The following PPP2R2B variants were observed in gnomAD, a reference collection of about 807,000 sequenced individuals.
PPP2R2B encodes the protein protein phosphatase 2 regulatory subunit Bbeta.
A neutral mutation model predicts 46.0 loss-of-function variants in PPP2R2B; 5 were observed. That is an observed-to-expected ratio of 0.11 (90% confidence interval 0.06 to 0.23). The LOEUF is 0.23. Among genes scored for constraint, PPP2R2B ranks in the 10% least tolerant of loss-of-function variants. The probability of loss-of-function intolerance (pLI) is 1.00; values close to 1 mark genes in which losing one functional copy is unlikely to be tolerated. For synonymous variants in PPP2R2B, 215 were observed against 206.7 expected, an observed-to-expected ratio of 1.04 and a Z score of -0.34; for missense variants, 367 against 575.0, an observed-to-expected ratio of 0.64 and a Z score of 3.70.
At chr5:146,670,121 A>G (rs1389192875) in intron 5 of PPP2R2B, among the ~76,000 whole-genome samples, 1 of 152,224 alleles carries the variant, frequency 6.6e-6, no homozygotes, top group Non-Finnish European at 1.5e-5. Flanking sequence ...TGAACACAGT[A>G]TCTGTATTAT....
intron 1 of PPP2R2B, among the ~76,000 whole-genome samples, chr5:147,010,688 C>T (rs1043296539): frequency 1.2e-4 from 19 of 152,128 alleles, no homozygotes; most frequent in African/African-American, 3.6e-4. Flanking sequence ...GCTTGCCCGC[C>T]GCTCACCTAC....
intron 2 of PPP2R2B, among the ~76,000 whole-genome samples, chr5:147,072,841 A>C (rs1757641912): frequency 6.6e-6 from 1 of 152,200 alleles, no homozygotes; most frequent in African/African-American, 2.4e-5. Flanking sequence ...ACCATGAATA[A>C]AATGTGGGTC....
Position 146,589,851 on chromosome 5 carries a change from T to TAA in PPP2R2B, c.*94_*95dup. On this transcript the variant is annotated 3_prime_UTR_variant, in exon 10 of 10. Coordinates refer to ENST00000394411, the MANE Select transcript of PPP2R2B (RefSeq NM_181675.4). ...CCAATCATTTCCTGTATAGGGAAAT[T>TAA]AAAGTCAATGCATCAAATGAAGACC... is the stretch of plus-strand genomic sequence containing the variant. 8.2e-7 allele frequency: 1 copy of TAA among 1,216,060 alleles called. No homozygotes were observed. The highest frequency in any genetic ancestry group is 1.2e-6 in the Non-Finnish European group (1 of 857,366). 75.3% of individuals were successfully genotyped at this position (1,216,060 alleles called of 1,614,324 possible). A position where few individuals can be genotyped will look rare whatever the true frequency, so the allele number is the denominator to read the frequency against.
chr5:146,755,802 C>T (rs1753800536), intron 2 of PPP2R2B, among the ~76,000 whole-genome samples: 1 of 152,154 alleles, frequency 6.6e-6, no homozygotes, highest in Non-Finnish European at 1.5e-5. Flanking sequence ...TGGGGGTCTG[C>T]ATCATTTAAT....
At chr5:147,018,627 C>T (rs1197391688) in intron 1 of PPP2R2B, among the ~76,000 whole-genome samples, 1 of 152,080 alleles carries the variant, frequency 6.6e-6, no homozygotes, top group African/African-American at 2.4e-5. Flanking sequence ...AGAAACCCAG[C>T]TTAGTTAACT....
intron 2 of PPP2R2B, among the ~76,000 whole-genome samples, chr5:147,068,192 T>C (rs1757468559): frequency 6.6e-6 from 1 of 152,232 alleles, no homozygotes; most frequent in Admixed American, 6.5e-5. Flanking sequence ...TAGCATTCAC[T>C]CTGTGTCAAG....
intron 2 of PPP2R2B, among the ~76,000 whole-genome samples, chr5:146,729,662 A>G (rs1239521223): frequency 6.6e-6 from 1 of 152,204 alleles, no homozygotes; most frequent in Non-Finnish European, 1.5e-5. Flanking sequence ...CTGTGGCTGA[A>G]AAGGGCCAAC....
At chr5:146,747,795 G>T (rs1049688923) in intron 2 of PPP2R2B, among the ~76,000 whole-genome samples, 2 of 152,096 alleles carry the variant, frequency 1.3e-5, no homozygotes, top group Non-Finnish European at 2.9e-5. Flanking sequence ...TTACTACATT[G>T]TTAGTGCAAA....
At chr5:146,751,374 A>G (rs1219334183) in intron 2 of PPP2R2B, 1 of 152,222 alleles carries the variant, frequency 6.6e-6, no homozygotes, top group African/African-American at 2.4e-5. Context: ...AGAGGTGAAC[A>G]GTTTTCTGAT....
chr5:146,924,161 C>T (rs1374700361), intron 1 of PPP2R2B, among the ~76,000 whole-genome samples: 1 of 152,122 alleles, frequency 6.6e-6, no homozygotes, highest in African/African-American at 2.4e-5. Context: ...ATCTGTACAA[C>T]AAATCCCCAT....
chr5:146,816,984 AC>A (rs1455861438), intron 2 of PPP2R2B, among the ~76,000 whole-genome samples: 2 of 152,208 alleles, frequency 1.3e-5, no homozygotes, highest in East Asian at 3.8e-4. Context: ...CAGCTGCATG[AC>A]TTTTTGACTT....
At chr5:146,882,944 C>T (rs1025927849), upstream of PPP2R2B, among the ~76,000 whole-genome samples, 2 of 152,122 alleles carry the variant, frequency 1.3e-5, no homozygotes, top group Non-Finnish European at 2.9e-5. Context: ...TTTTTTTAAC[C>T]ACCCTTGTCA....
intron 1 of PPP2R2B, among the ~76,000 whole-genome samples, chr5:146,939,845 C>T (rs568843162): frequency 6.6e-6 from 1 of 152,094 alleles, no homozygotes; most frequent in Non-Finnish European, 1.5e-5. Flanking sequence ...CATTATATAC[C>T]TAACTGTTCC....
chr5:146,646,421 A>G (rs962628032), intron 6 of PPP2R2B, among the ~76,000 whole-genome samples: 6 of 152,210 alleles, frequency 3.9e-5, no homozygotes, highest in African/African-American at 1.4e-4. Context: ...TAATCTATTA[A>G]TGAGTTGTTA....
intron 3 of PPP2R2B, among the ~76,000 whole-genome samples, chr5:146,700,671 C>A (rs139420288): frequency 8.0e-4 from 121 of 152,134 alleles, no homozygotes; most frequent in African/African-American, 2.7e-3. Flanking sequence ...ATGTTTTTTT[C>A]CTCCTGCATA....
At chr5:146,754,742 T>G (rs1163575635) in intron 2 of PPP2R2B, among the ~76,000 whole-genome samples, 2 of 152,176 alleles carry the variant, frequency 1.3e-5, no homozygotes, top group Non-Finnish European at 2.9e-5. Flanking sequence ...TTAAGGACAC[T>G]CCAGGAACCC....
chr5:146,798,322 C>T (rs1756665711), intron 2 of PPP2R2B, among the ~76,000 whole-genome samples: 1 of 152,156 alleles, frequency 6.6e-6, no homozygotes, highest in Admixed American at 6.6e-5. Context: ...TTAACCCTGA[C>T]TTCCTTAACC....
chr5:146,872,452 C>T (rs547894892), intron 2 of PPP2R2B, among the ~76,000 whole-genome samples: 1 of 152,316 alleles, frequency 6.6e-6, no homozygotes, highest in Non-Finnish European at 1.5e-5. Flanking sequence ...TATGAGGCAG[C>T]TCTCCATCAT....
intron 2 of PPP2R2B, among the ~76,000 whole-genome samples, chr5:146,819,987 C>A (rs974408510): frequency 1.3e-5 from 2 of 152,150 alleles, no homozygotes; most frequent in African/African-American, 2.4e-5. Context: ...AATAGGCACA[C>A]AATCTCACTC....
Sources: allele counts gnomAD v4.1 joint callset (sites outside exome capture counted in the v4.1 genomes callset), GRCh38; gene constraint gnomAD v4.1.1; transcripts MANE v1.5; gene names NCBI Gene and HGNC (gene_info 2026-07-23, HGNC 2026-07-21).